OXR1: variants seen among roughly 807,000 people sequenced by gnomAD.
OXR1 encodes oxidation resistance protein 1.
OXR1 carries 41 observed loss-of-function variants against 104.6 expected under a neutral mutation model. The ratio of observed to expected loss-of-function variants is 0.39; its 90% confidence interval spans 0.31 to 0.51. OXR1 has a LOEUF of 0.51. Ranked by LOEUF, OXR1 falls within the 20% of genes least tolerant of loss-of-function variation. The pLI, the probability that OXR1 is intolerant of heterozygous loss-of-function variation, is 0.77. For synonymous variants in OXR1, 348 were observed against 348.4 expected, an observed-to-expected ratio of 1.00 and a Z score of 0.01; for missense variants, 955 against 1,031.9, an observed-to-expected ratio of 0.93 and a Z score of 1.02.
At chr8:106,551,863 T>TGA (rs1815859350) in intron 3 of OXR1, among the ~76,000 whole-genome samples, 1 of 84,200 alleles carries the variant, frequency 1.2e-5, no homozygotes, top group Admixed American at 1.2e-4. Flanking sequence ...TATATATATG[T>TGA]GTGTGTGTGT....
At chr8:106,506,161 G>C (rs1367151281) in intron 2 of OXR1, among the ~76,000 whole-genome samples, 2 of 152,216 alleles carry the variant, frequency 1.3e-5, no homozygotes, top group Admixed American at 6.5e-5. Context: ...GCCATTTCCA[G>C]AGATTGGGAA....
At chr8:106,702,587 T>TAACATAAAAG (rs944514189) in intron 7 of OXR1, among the ~76,000 whole-genome samples, 3 of 152,192 alleles carry the variant, frequency 2.0e-5, no homozygotes, top group African/African-American at 7.2e-5. Flanking sequence ...GTATGCAAAT[T>TAACATAAAAG]AACATAAAAG....
At chr8:106,397,792 C>A (rs753372203) in intron 2 of OXR1, among the ~76,000 whole-genome samples, 12 of 152,032 alleles carry the variant, frequency 7.9e-5, no homozygotes, top group Non-Finnish European at 7.4e-5. Context: ...TCGAGTTGTA[C>A]CTTGCATTAG....
At chr8:106,285,708 A>G (rs1459095246) in intron 1 of OXR1, among the ~76,000 whole-genome samples, 1 of 152,010 alleles carries the variant, frequency 6.6e-6, no homozygotes, top group African/African-American at 2.4e-5. Flanking sequence ...CCCCTTAAAC[A>G]AGGATATTCA....
At chr8:106,318,544 A>T (rs1203613408) in intron 1 of OXR1, among the ~76,000 whole-genome samples, 1 of 152,140 alleles carries the variant, frequency 6.6e-6, no homozygotes, top group Non-Finnish European at 1.5e-5. Flanking sequence ...AATGTTATAG[A>T]TTTCAGTCTT....
chr8:106,519,943 T>G (rs2130116494), intron 3 of OXR1, among the ~76,000 whole-genome samples: 1 of 152,274 alleles, frequency 6.6e-6, no homozygotes, highest in African/African-American at 2.4e-5. Flanking sequence ...CTTCAGTCTA[T>G]CTGAGACAAA....
At chr8:106,320,237 C>G (rs1814158224) in intron 1 of OXR1, among the ~76,000 whole-genome samples, 1 of 152,188 alleles carries the variant, frequency 6.6e-6, no homozygotes, top group South Asian at 2.1e-4. Context: ...TGACTCTCCT[C>G]ACCTTCTGTT....
intron 2 of OXR1, among the ~76,000 whole-genome samples, chr8:106,447,352 G>A (rs1460267384): frequency 6.6e-6 from 1 of 152,146 alleles, no homozygotes; most frequent in African/African-American, 2.4e-5. Flanking sequence ...TGTATGAAGG[G>A]GAGGGAAGTA....
At chr8:106,332,756 AC>A in intron 1 of OXR1, among the ~76,000 whole-genome samples, 1 of 152,122 alleles carries the variant, frequency 6.6e-6, no homozygotes, top group Admixed American at 6.5e-5. Context: ...AAGAAACTGT[AC>A]CCATTAATAG....
At chr8:106,510,689 GAGAATTTCTTGTTTTTTTGTT>G (rs1276868351) in intron 2 of OXR1, among the ~76,000 whole-genome samples, 4 of 151,826 alleles carry the variant, frequency 2.6e-5, no homozygotes, top group African/African-American at 9.7e-5. Context: ...CATTTAATGA[GAGAATTTCTTGTTTTTTTGTT>G]AGAATTTCTA....
intron 1 of OXR1, among the ~76,000 whole-genome samples, chr8:106,356,508 CTCTA>C (rs990800544): frequency 3.9e-5 from 6 of 152,092 alleles, no homozygotes; most frequent in Admixed American, 1.3e-4. Flanking sequence ...GTTCATATGA[CTCTA>C]TCTAAGATTC....
At position 106,320,305 on chromosome 8, in the gene OXR1, G is replaced by A. The variant is rs553242706; in HGVS notation, c.-138-39171G>A. On this transcript the variant is annotated intron_variant, in intron 1 of 16. Coordinates refer to ENST00000517566, the MANE Select transcript of OXR1 (RefSeq NM_001198533.2). ...CCTTCACTGGGTTACATCCACTCCT[G>A]CGTCAGGATCTCCTTGTCGTAGACT... is the stretch of plus-strand genomic sequence containing the variant. Among the ~76,000 whole-genome samples, 26 of 152,026 alleles carry A rather than the reference G, an allele frequency of 1.7e-4. 1 individual carries two copies. The highest frequency in any genetic ancestry group is 6.6e-4 in the Admixed American group (10 of 15,260).
Position 106,437,352 on chromosome 8 carries a change from G to A in OXR1, c.23+77716G>A, listed in dbSNP as rs374326333. 6.6e-5 allele frequency among the ~76,000 whole-genome samples: 10 copies of A among 152,150 alleles called. No individual in the cohort carries two copies. In the East Asian group the frequency reaches 7.7e-4, roughly 12 times the overall value. On this transcript the variant is annotated intron_variant, in intron 2 of 16. Coordinates refer to ENST00000517566, the MANE Select transcript of OXR1 (RefSeq NM_001198533.2). ...TGTCTAATTTCATAGATATCTTTGCGTTAAGTAAAATGTCCCTCTTCATAT... is the reference window on the plus strand; with the variant it reads ...TGTCTAATTTCATAGATATCTTTGCATTAAGTAAAATGTCCCTCTTCATAT...
intron 15 of OXR1, among the ~76,000 whole-genome samples, chr8:106,743,215 A>C (rs1835075874): frequency 6.6e-6 from 1 of 152,238 alleles, no homozygotes; most frequent in African/African-American, 2.4e-5. Context: ...ATGCATATCA[A>C]AACCACAATG....
At chr8:106,518,580 C>T (rs940737536) in intron 2 of OXR1, among the ~76,000 whole-genome samples, 3 of 152,084 alleles carry the variant, frequency 2.0e-5, no homozygotes, top group Admixed American at 1.3e-4. Context: ...TTGGAGTTAA[C>T]ATTTATTTTT....
At chr8:106,697,247 G>C (rs1001554924) in intron 7 of OXR1, among the ~76,000 whole-genome samples, 1 of 152,216 alleles carries the variant, frequency 6.6e-6, no homozygotes, top group African/African-American at 2.4e-5. Flanking sequence ...GTATTAGTAA[G>C]CACGGGGGAG....
chr8:106,404,588 C>T (rs1282584195), intron 2 of OXR1, among the ~76,000 whole-genome samples: 7 of 152,000 alleles, frequency 4.6e-5, no homozygotes, highest in African/African-American at 1.7e-4. Context: ...AACCTCTTAG[C>T]TCATTCTTTT....
chr8:106,362,392 C>A (rs1282560118), intron 2 of OXR1, among the ~76,000 whole-genome samples: 3 of 152,134 alleles, frequency 2.0e-5, no homozygotes, highest in Non-Finnish European at 4.4e-5. Context: ...TAGTTACAGG[C>A]ATATTTACAA....
intron 1 of OXR1, among the ~76,000 whole-genome samples, chr8:106,350,879 G>T (rs1259625987): frequency 6.6e-6 from 1 of 152,158 alleles, no homozygotes; most frequent in Non-Finnish European, 1.5e-5. Flanking sequence ...CAAATAAAAA[G>T]ATGTGAATTT....
Sources: gnomAD v4.1 joint callset for allele counts (sites outside exome capture counted in the v4.1 genomes callset) on GRCh38, gnomAD v4.1.1 for gene constraint, MANE v1.5 for transcripts, NCBI Gene and HGNC (gene_info 2026-07-23, HGNC 2026-07-21) for gene names.